FAM50A: variants seen among roughly 807,000 people sequenced by gnomAD.
FAM50A encodes family with sequence similarity 50 member A.
A neutral mutation model predicts 35.5 loss-of-function variants in FAM50A; 6 were observed. That is an observed-to-expected ratio of 0.17 (90% CI 0.09 to 0.33). The LOEUF is 0.33. Ranked by LOEUF, FAM50A falls within the 10% of genes least tolerant of loss-of-function variation. The pLI is 1.00. For missense variants in FAM50A, 145 were observed against 295.5 expected (o/e 0.49, Z 3.73); for synonymous variants, 120 against 110.9 (o/e 1.08, Z -0.52).
chrX:154,445,796 C>T lies in FAM50A; in HGVS notation c.197-16C>T, dbSNP rs782337282. 1 of 1,203,720 alleles carries T rather than the reference C, an allele frequency of 8.3e-7. No individual in the cohort carries two copies. The highest frequency in any genetic ancestry group is 1.1e-6 in the Non-Finnish European group (1 of 888,025). ...CCCTGCGACTACCTTGCCCCTTGTG[C>T]CTCCTTGCTTCAAAGGTCTCGTGAC... On this transcript the variant is annotated splice_polypyrimidine_tract_variant and intron_variant, in intron 2 of 12. Transcript: ENST00000393600.
intron 1 of FAM50A, 106 bp from the exon 2 acceptor site, chrX:154,445,527 G>A: frequency 8.1e-6 from 5 of 620,028 alleles, no homozygotes; most frequent in Non-Finnish European, 1.4e-5. Flanking sequence ...ACCTTCCATC[G>A]ACAAGGGCAC....
At chrX:154,444,509 G>C in intron 1 of FAM50A, 163 bp downstream of exon 1, 1 of 244,787 alleles carries the variant, frequency 4.1e-6, no homozygotes, top group East Asian at 6.9e-5. Context: ...ACAGAAGCAA[G>C]CCAGCGACAG....
chrX:154,446,590 C>T, intron 4 of FAM50A, 30 bp downstream of exon 4: 1 of 1,121,843 alleles, frequency 8.9e-7, no homozygotes, highest in African/African-American at 1.8e-5. Context: ...GGAGCCCCGC[C>T]CGCAGCCCCT....
chrX:154,444,213 C>T lies in FAM50A; in HGVS notation c.-23C>T. Reference sequence around the variant, plus strand: ...TCGCCGCCGCCGCCGCCCGCCGCCGCCGCCGCCGCCGCCGCCGCTGCCATG... The same window carrying T: ...TCGCCGCCGCCGCCGCCCGCCGCCGTCGCCGCCGCCGCCGCCGCTGCCATG... On this transcript the variant is annotated 5_prime_UTR_variant, in exon 1 of 13. Coordinates refer to ENST00000393600, the MANE Select transcript of FAM50A (RefSeq NM_004699.4). 1 of 784,253 alleles carries T rather than the reference C, an allele frequency of 1.3e-6. No individual in the cohort carries two copies. 64.6% of individuals were successfully genotyped at this position (784,253 alleles called of 1,213,427 possible).
intron 3 of FAM50A, 95 bp downstream of exon 3, chrX:154,446,006 C>T: frequency 1.6e-6 from 1 of 639,827 alleles, no homozygotes; most frequent in East Asian, 3.5e-5. Flanking sequence ...GGGACCCTGT[C>T]TCCAGCTTTG....
At chrX:154,449,571 T>C (rs1300808075) in intron 8 of FAM50A, 110 bp from the exon 9 acceptor site, 2 of 657,189 alleles carry the variant, frequency 3.0e-6, no homozygotes, top group Non-Finnish European at 4.8e-6. Context: ...CACAGCCAAC[T>C]GGCCGCTGCT....
chrX:154,444,153 GGCCGCC>G lies in FAM50A; in HGVS notation c.-82_-77del. On this transcript the variant is annotated 5_prime_UTR_variant, in exon 1 of 13. Transcript: ENST00000393600. ...CGGCGCGGGCGTCAGCTGACTGTTC[GGCCGCC>G]ACCGCCGCTGCCGCTGCCGCTGTCG... 3 of 256,027 alleles carry G rather than the reference GGCCGCC, an allele frequency of 1.2e-5. No homozygotes were observed. Among genetic ancestry groups the G allele is most frequent in the Non-Finnish European group, 1.6e-5 (3 of 183,288 alleles). 21.1% of individuals were successfully genotyped at this position (256,027 alleles called of 1,213,427 possible).
chrX:154,447,883 G>T (rs909113477), intron 4 of FAM50A, among the ~76,000 whole-genome samples: 1 of 110,300 alleles, frequency 9.1e-6, no homozygotes, highest in Non-Finnish European at 1.9e-5. Flanking sequence ...CTGGGGGAAA[G>T]GTTGTCACCC....
Position 154,444,199 on chromosome X carries a change from GCCGC to G in FAM50A, c.-31_-28del. 1 of 622,046 alleles carries G rather than the reference GCCGC, an allele frequency of 1.6e-6. No homozygotes were observed. The highest frequency in any genetic ancestry group is 2.0e-6 in the Non-Finnish European group (1 of 507,138). The allele number at this position is 622,046 out of a possible 1,213,427, so 51.3% of individuals were successfully genotyped here. A position where few individuals can be genotyped will look rare whatever the true frequency, so the allele number is the denominator to read the frequency against. On this transcript the variant is annotated 5_prime_UTR_variant, in exon 1 of 13. Coordinates refer to ENST00000393600, the MANE Select transcript of FAM50A (RefSeq NM_004699.4). Reference sequence around the variant, plus strand: ...TGCCGCTGTCGCTGTCGCCGCCGCCGCCGCCCGCCGCCGCCGCCGCCGCCGCCGC... The same window carrying G: ...TGCCGCTGTCGCTGTCGCCGCCGCCGCCGCCGCCGCCGCCGCCGCCGCCGC...
rs782045214 is a variant in FAM50A, at chrX:154,446,279, C to T, written c.297-136C>T. 1.8e-5 allele frequency: 10 copies of T among 552,626 alleles called. No individual in the cohort carries two copies. The South Asian group carries it at 2.5e-4, about 14-fold the overall frequency. 45.5% of individuals were successfully genotyped at this position (552,626 alleles called of 1,213,427 possible). A position where few individuals can be genotyped will look rare whatever the true frequency, so the allele number is the denominator to read the frequency against. The stretch of plus-strand genomic sequence containing the variant: ...CAAAGTGATCCAGGACAGCAGGACC[C>T]GTCTGGGGCAATGGGGACCCAGCCT... On this transcript the variant is annotated intron_variant, in intron 3 of 12. Coordinates refer to ENST00000393600, the MANE Select transcript of FAM50A (RefSeq NM_004699.4).
rs1254700554 is a variant in FAM50A, at chrX:154,449,612, G to A, written c.726-69G>A. On this transcript the variant is annotated intron_variant, in intron 8 of 12. Transcript: ENST00000393600. ...GCCCCAGCATGGGCTCTCCTGGGCT[G>A]GCTGTCTCCTCCCTCCCTGGGCAGG... The A allele has an allele frequency of 5.1e-6, 5 of 984,438 alleles. No individual in the cohort carries two copies. The African/African-American group carries it at 7.5e-5, about 15-fold the overall frequency. 81.1% of individuals were successfully genotyped at this position (984,438 alleles called of 1,213,427 possible).
chrX:154,447,838 C>T (rs928969062), intron 4 of FAM50A, among the ~76,000 whole-genome samples: 39 of 110,216 alleles, frequency 3.5e-4, no homozygotes, highest in Non-Finnish European at 7.2e-4. Flanking sequence ...AAGCTGGTCT[C>T]GAACTTGGGA....
At position 154,449,214 on chromosome X, in the gene FAM50A, G is replaced by A; in HGVS notation, c.649-7G>A. The A allele has an allele frequency of 8.3e-7, 1 of 1,207,674 alleles. No homozygotes were observed. Among genetic ancestry groups the A allele is most frequent in the South Asian group, 1.8e-5 (1 of 56,930 alleles). ...TCCCTTCCCAACTCCTGGATTCCCG[G>A]ATACAGATGAGAAAGGGCAACACCA... On this transcript the variant is annotated splice_polypyrimidine_tract_variant and splice_region_variant and intron_variant, in intron 7 of 12. Transcript: ENST00000393600.
At chrX:154,450,127 G>A in intron 11 of FAM50A, 28 bp downstream of exon 11, 1 of 1,203,388 alleles carries the variant, frequency 8.3e-7, no homozygotes, top group South Asian at 1.8e-5. Context: ...GTGTGAGGGG[G>A]AACGGGTGTC....
chrX:154,448,854 C>T (rs368558663), intron 6 of FAM50A, 39 bp from the exon 7 acceptor site: 11 of 1,197,922 alleles, frequency 9.2e-6, no homozygotes, highest in Non-Finnish European at 1.1e-6. Context: ...AGGCTGCTCT[C>T]AGTGGGGCTG....
At chrX:154,447,427 G>T (rs782476413) in intron 4 of FAM50A, among the ~76,000 whole-genome samples, 24 of 111,353 alleles carry the variant, frequency 2.2e-4, no homozygotes, top group African/African-American at 7.2e-4. Flanking sequence ...AGGATTGTAG[G>T]GAGGAAGAAC....
Position 154,444,397 on chromosome X carries a change from C to T in FAM50A, c.111+51C>T. ...TGCGCGCTGCCCAGGTCCCCGGCGG[C>T]CCCGCGCCACGCTCCGGCCCTGGAA... On this transcript the variant is annotated intron_variant, in intron 1 of 12. Transcript: ENST00000393600. 3.8e-6 allele frequency: 3 copies of T among 799,863 alleles called. 1 individual carries two copies. Among genetic ancestry groups the T allele is most frequent in the Non-Finnish European group, 5.0e-6 (3 of 594,992 alleles). The allele number at this position is 799,863 out of a possible 1,213,427, so 65.9% of individuals were successfully genotyped here. A position where few individuals can be genotyped will look rare whatever the true frequency, so the allele number is the denominator to read the frequency against.
intron 4 of FAM50A, 56 bp from the exon 5 acceptor site, chrX:154,448,428 C>A (rs1358097599): frequency 4.0e-5 from 42 of 1,043,854 alleles, no homozygotes; most frequent in Non-Finnish European, 4.0e-6. Flanking sequence ...GGGCGTCGGC[C>A]ATATCAAAAT....
intron 9 of FAM50A, 48 bp from the exon 10 acceptor site, chrX:154,449,835 G>A (rs1299462966): frequency 3.3e-6 from 4 of 1,199,751 alleles, no homozygotes; most frequent in Middle Eastern, 4.6e-4. Flanking sequence ...TGTGGGGAGG[G>A]GCCGAGATGG....
Sources: allele counts gnomAD v4.1 joint callset (sites outside exome capture counted in the v4.1 genomes callset), GRCh38; gene constraint gnomAD v4.1.1; transcripts MANE v1.5; gene names NCBI Gene and HGNC (gene_info 2026-07-23, HGNC 2026-07-21).